WDR41: variants seen among roughly 807,000 people sequenced by gnomAD.
WDR41 encodes WD repeat-containing protein 41.
Under a neutral mutation model 69.3 loss-of-function variants are expected in WDR41, and 63 were observed. The ratio of observed to expected loss-of-function variants is 0.91; its 90% confidence interval spans 0.74 to 1.12. The LOEUF (loss-of-function observed/expected upper bound fraction) is 1.12, where lower values mean the gene tolerates loss of function less well. Among genes scored for constraint, WDR41 ranks in the 50% most tolerant of loss-of-function variants. The pLI, the probability that WDR41 is intolerant of heterozygous loss-of-function variation, is 0.00. For synonymous variants in WDR41, 185 were observed against 192.1 expected (o/e 0.96, Z 0.31); for missense variants, 543 against 534.5 (o/e 1.02, Z -0.16).
chr5:77,435,456 G>A (rs911360453), intron 12 of WDR41, among the ~76,000 whole-genome samples: 1 of 152,172 alleles, frequency 6.6e-6, no homozygotes, highest in East Asian at 1.9e-4. Flanking sequence ...ATCTCTCTCT[G>A]TAAACTCCAG....
chr5:77,445,199 A>G (rs1190621986), intron 8 of WDR41, among the ~76,000 whole-genome samples: 1 of 152,198 alleles, frequency 6.6e-6, no homozygotes, highest in Non-Finnish European at 1.5e-5. Flanking sequence ...AAATTCCTGG[A>G]CACATACACC....
At chr5:77,526,202 T>A (rs534149844) in intron 1 of WDR41, among the ~76,000 whole-genome samples, 2 of 152,190 alleles carry the variant, frequency 1.3e-5, no homozygotes, top group Non-Finnish European at 2.9e-5. Context: ...TCCCTCTTTT[T>A]GTTCTTTCTT....
At chr5:77,466,101 G>C (rs1000904155) in intron 2 of WDR41, among the ~76,000 whole-genome samples, 2 of 151,838 alleles carry the variant, frequency 1.3e-5, no homozygotes, top group African/African-American at 4.8e-5. Flanking sequence ...TTTAAATACA[G>C]AACTACCTAT....
chr5:77,517,631 CATATATAT>C (rs34773798), intron 1 of WDR41, among the ~76,000 whole-genome samples: 19 of 141,128 alleles, frequency 1.3e-4, no homozygotes, highest in African/African-American at 2.4e-4. Flanking sequence ...ATTTATTGAA[CATATATAT>C]ATATATATAT....
chr5:77,470,185 A>G (rs1047260182), intron 2 of WDR41, among the ~76,000 whole-genome samples: 9 of 151,936 alleles, frequency 5.9e-5, no homozygotes, highest in East Asian at 1.9e-4. Flanking sequence ...ACTAAGCTTC[A>G]TAAGTGAAGG....
Position 77,460,501 on chromosome 5 carries a change from G to A in WDR41, c.349-1377C>T, listed in dbSNP as rs141352963. Among the ~76,000 whole-genome samples, 11 of 152,062 alleles carry A rather than the reference G, an allele frequency of 7.2e-5. No homozygotes were observed. In the East Asian group the frequency reaches 7.7e-4, roughly 11 times the overall value. On this transcript the variant is annotated intron_variant, in intron 4 of 12. Coordinates refer to ENST00000296679, the MANE Select transcript of WDR41 (RefSeq NM_018268.4). ...AGTAACCTGAGCTCCTAAGGCTATC[G>A]CTTTAAAAAATTATCTACCTTCAGT... is the stretch of plus-strand genomic sequence containing the variant.
chr5:77,475,950 G>C (rs919664446), intron 2 of WDR41, among the ~76,000 whole-genome samples: 5 of 152,074 alleles, frequency 3.3e-5, no homozygotes, highest in Non-Finnish European at 5.9e-5. Flanking sequence ...TGTATAACTA[G>C]AATAACCAAT....
chr5:77,512,406 T>TG (rs1356857885), intron 1 of WDR41, among the ~76,000 whole-genome samples: 1 of 111,420 alleles, frequency 9.0e-6, no homozygotes, highest in African/African-American at 3.5e-5. Flanking sequence ...GTGTGTATGA[T>TG]GGGGGCAGTC....
chr5:77,431,003 T>G lies in WDR41; in HGVS notation c.*2132A>C, dbSNP rs533305680. Reference sequence around the variant, plus strand: ...GCTTAAGAATGTGTATAGAAAGTGGTTTCTGGAGACAGTCATTTCCACAGT... The same window carrying G: ...GCTTAAGAATGTGTATAGAAAGTGGGTTCTGGAGACAGTCATTTCCACAGT... On this transcript the variant is annotated 3_prime_UTR_variant, in exon 13 of 13. Coordinates refer to ENST00000296679, the MANE Select transcript of WDR41 (RefSeq NM_018268.4). The G allele has an allele frequency of 3.9e-5, 6 of 152,232 alleles. No homozygotes were observed. In the East Asian group the frequency reaches 1.2e-3, roughly 29 times the overall value. 9.4% of individuals were successfully genotyped at this position (152,232 alleles called of 1,614,324 possible). A position where few individuals can be genotyped will look rare whatever the true frequency, so the allele number is the denominator to read the frequency against.
At chr5:77,480,575 C>T (rs1278284504) in intron 2 of WDR41, among the ~76,000 whole-genome samples, 1 of 150,562 alleles carries the variant, frequency 6.6e-6, no homozygotes, top group Non-Finnish European at 1.5e-5. Flanking sequence ...ATTGCAAGAA[C>T]AAAAAACCAA....
In WDR41 at chr5:77,598,652, TTTTG is replaced by T. The variant is rs1580043237; in HGVS notation, c.42+21823_42+21826del. On this transcript the variant is annotated intron_variant, in intron 1 of 5. Coordinates refer to the WDR41 transcript ENST00000509971. ...GTGAATCAGTAAGTTTCCTTTTTTT[TTTTG>T]TTTTTTTTGTAGCTTAGCTTGAGTT... 5.9e-5 allele frequency among the ~76,000 whole-genome samples: 8 copies of T among 136,026 alleles called. No individual in the cohort carries two copies. In the East Asian group the frequency reaches 1.0e-3, roughly 17 times the overall value. 89.2% of individuals were successfully genotyped at this position (136,026 alleles called of 152,430 possible). A position where few individuals can be genotyped will look rare whatever the true frequency, so the allele number is the denominator to read the frequency against.
At chr5:77,594,518 A>G (rs1744191558) in intron 1 of WDR41, among the ~76,000 whole-genome samples, 1 of 152,210 alleles carries the variant, frequency 6.6e-6, no homozygotes, top group Non-Finnish European at 1.5e-5. Flanking sequence ...CATGATTTTT[A>G]AAATTTCTAA....
At chr5:77,475,783 C>G (rs557571129) in intron 2 of WDR41, among the ~76,000 whole-genome samples, 1 of 152,160 alleles carries the variant, frequency 6.6e-6, no homozygotes, top group Non-Finnish European at 1.5e-5. Flanking sequence ...TCCAAAGGAA[C>G]GCAGTTCCTC....
At chr5:77,554,503 C>T (rs1743355561) in intron 1 of WDR41, among the ~76,000 whole-genome samples, 1 of 152,056 alleles carries the variant, frequency 6.6e-6, no homozygotes, top group African/African-American at 2.4e-5. Flanking sequence ...CTACAAAGTA[C>T]CTTTCTAGGA....
chr5:77,591,646 C>T (rs1038067139), intron 1 of WDR41, among the ~76,000 whole-genome samples: 1 of 151,992 alleles, frequency 6.6e-6, no homozygotes, highest in African/African-American at 2.4e-5. Context: ...TTGATTTCTT[C>T]TTTTACCCTT....
At chr5:77,582,694 A>C in intron 1 of WDR41, 1 of 1,597,982 alleles carries the variant, frequency 6.3e-7, no homozygotes, top group Non-Finnish European at 8.5e-7. Context: ...AAAGGTCCGA[A>C]AGGTGTTGCA....
intron 2 of WDR41, among the ~76,000 whole-genome samples, chr5:77,484,671 T>C (rs163033): frequency 0.032 from 4,927 of 152,324 alleles, 205 homozygotes; most frequent in South Asian, 0.19. Context: ...ACTTACAGTT[T>C]CTTAAAAAGC....
At chr5:77,494,257 G>A (rs753238152), upstream of WDR41, among the ~76,000 whole-genome samples, 8 of 151,174 alleles carry the variant, frequency 5.3e-5, no homozygotes, top group African/African-American at 7.3e-5. Flanking sequence ...AGAAAATGAG[G>A]TACAAAAAAA....
At chr5:77,593,276 T>C (rs1744164778) in intron 1 of WDR41, among the ~76,000 whole-genome samples, 1 of 152,078 alleles carries the variant, frequency 6.6e-6, no homozygotes, top group African/African-American at 2.4e-5. Context: ...GAATGTTGTA[T>C]CTGAATTGCC....
Sources: allele counts gnomAD v4.1 joint callset (sites outside exome capture counted in the v4.1 genomes callset), GRCh38; gene constraint gnomAD v4.1.1; transcripts MANE v1.5; gene names NCBI Gene and HGNC (gene_info 2026-07-23, HGNC 2026-07-21).